The following LYPD6B variants were observed in gnomAD, a reference collection of about 807,000 sequenced individuals.
LYPD6B encodes ly6/PLAUR domain-containing protein 6B.
A neutral mutation model predicts 22.8 loss-of-function variants in LYPD6B; 17 were observed. That is an observed-to-expected ratio of 0.75 (90% CI 0.51 to 1.12). LYPD6B has a LOEUF of 1.12. Ranked by LOEUF, LYPD6B falls within the 50% of genes most tolerant of loss-of-function variation. LYPD6B has a pLI of 0.00. For missense variants in LYPD6B, 221 were observed against 258.3 expected, an observed-to-expected ratio of 0.86 and a Z score of 0.99; for synonymous variants, 106 against 91.6, an observed-to-expected ratio of 1.16 and a Z score of -0.90.
At chr2:149,110,947 T>C (rs539559513) in intron 1 of LYPD6B, among the ~76,000 whole-genome samples, 1 of 152,272 alleles carries the variant, frequency 6.6e-6, no homozygotes, top group African/African-American at 2.4e-5. Context: ...AAAGGTGATA[T>C]TGAAGCAGAG....
chr2:149,188,803 T>C (rs1692294352), intron 3 of LYPD6B: 1 of 333,790 alleles, frequency 3.0e-6, no homozygotes, highest in African/African-American at 2.2e-5. Flanking sequence ...CTTCCTGTCT[T>C]CCAGGCATTA....
At chr2:149,120,784 C>CTTTTTTT (rs567231544) in intron 1 of LYPD6B, among the ~76,000 whole-genome samples, 963 of 95,522 alleles carry the variant, frequency 0.01, 47 homozygotes, top group African/African-American at 0.021. Context: ...GCTACAAAGT[C>CTTTTTTT]TTTTTTTTTT....
In LYPD6B at chr2:149,205,149, T is replaced by A. The variant is rs1693425421; in HGVS notation, c.78-104T>A. On this transcript the variant is annotated intron_variant, in intron 3 of 6. Transcript: ENST00000409642. ...GTCCTGGCCCTACACAACAGGTAGA[T>A]GGTTGGATATATTTGGATAATGGAG... 4 of 1,187,964 alleles carry A rather than the reference T, an allele frequency of 3.4e-6. No individual in the cohort carries two copies. The South Asian group carries it at 6.1e-5, about 18-fold the overall frequency. 73.6% of individuals were successfully genotyped at this position (1,187,964 alleles called of 1,614,324 possible).
At chr2:149,047,612 A>G (rs1333366512) in intron 1 of LYPD6B, among the ~76,000 whole-genome samples, 8 of 151,970 alleles carry the variant, frequency 5.3e-5, no homozygotes, top group East Asian at 3.9e-4. Context: ...CACTCTTGAT[A>G]TTTATCATAC....
intron 1 of LYPD6B, among the ~76,000 whole-genome samples, chr2:149,085,469 T>G (rs1201503924): frequency 2.0e-5 from 3 of 152,212 alleles, no homozygotes; most frequent in African/African-American, 7.2e-5. Flanking sequence ...CTTAATAGAA[T>G]TGTTTATTTT....
At chr2:149,143,423 T>C (rs1688814559) in intron 2 of LYPD6B, among the ~76,000 whole-genome samples, 1 of 151,168 alleles carries the variant, frequency 6.6e-6, no homozygotes, top group Non-Finnish European at 1.5e-5. Flanking sequence ...ATGCTGAGGA[T>C]GTGAGAGAAA....
At chr2:149,131,147 A>G (rs1249145261) in intron 2 of LYPD6B, 194 bp downstream of exon 2, 1 of 495,176 alleles carries the variant, frequency 2.0e-6, no homozygotes, top group African/African-American at 2.0e-5. Context: ...AATCATATTG[A>G]CTTTTTATGA....
chr2:149,041,115 A>AAG (rs1558962783), intron 1 of LYPD6B, among the ~76,000 whole-genome samples: 1 of 148,418 alleles, frequency 6.7e-6, no homozygotes. Flanking sequence ...AAAAAAAAAA[A>AAG]AAAGAAAATG....
intron 1 of LYPD6B, among the ~76,000 whole-genome samples, chr2:149,046,364 ATCTG>A (rs1248963045): frequency 6.6e-6 from 1 of 152,154 alleles, no homozygotes; most frequent in Non-Finnish European, 1.5e-5. Flanking sequence ...ATCTGACAAT[ATCTG>A]TCTGTTAACT....
At chr2:149,049,969 A>G (rs1683477186) in intron 1 of LYPD6B, among the ~76,000 whole-genome samples, 1 of 152,184 alleles carries the variant, frequency 6.6e-6, no homozygotes, top group Admixed American at 6.5e-5. Context: ...GCTAGATACA[A>G]AGGGGAAATC....
intron 1 of LYPD6B, among the ~76,000 whole-genome samples, chr2:149,042,488 T>C (rs1683126671): frequency 6.6e-6 from 1 of 152,166 alleles, no homozygotes; most frequent in African/African-American, 2.4e-5. Context: ...GGGCAGCATA[T>C]TTTCCTGTTT....
intron 3 of LYPD6B, among the ~76,000 whole-genome samples, chr2:149,183,485 A>G (rs1198381583): frequency 2.0e-5 from 3 of 152,068 alleles, no homozygotes; most frequent in Non-Finnish European, 4.4e-5. Context: ...TGGCCAATCT[A>G]CAATGTGTAT....
chr2:149,038,941 TCGCGGGGC>T (rs546636630), intron 1 of LYPD6B, 140 bp downstream of exon 1: 129,922 of 148,128 alleles, frequency 0.88, 57,541 homozygotes, highest in East Asian at 1. Context: ...AGCCAGGAGC[TCGCGGGGC>T]CGCGGGGCCG....
At chr2:149,178,278 A>G (rs904173475) in intron 3 of LYPD6B, among the ~76,000 whole-genome samples, 1 of 152,196 alleles carries the variant, frequency 6.6e-6, no homozygotes, top group Non-Finnish European at 1.5e-5. Flanking sequence ...TCTTTCCTCT[A>G]TCGCCATCCA....
At chr2:149,044,058 A>G (rs1191736687) in intron 1 of LYPD6B, among the ~76,000 whole-genome samples, 2 of 152,084 alleles carry the variant, frequency 1.3e-5, no homozygotes, top group African/African-American at 4.8e-5. Context: ...GGAAGCACAT[A>G]GTGTAGGCCC....
intron 1 of LYPD6B, among the ~76,000 whole-genome samples, chr2:149,077,185 C>T (rs1251098437): frequency 6.6e-6 from 1 of 152,152 alleles, no homozygotes; most frequent in African/African-American, 2.4e-5. Flanking sequence ...TTTTAATTCC[C>T]AGGAAGTTGC....
chr2:149,105,587 A>T (rs2105509123), intron 1 of LYPD6B, among the ~76,000 whole-genome samples: 1 of 152,060 alleles, frequency 6.6e-6, no homozygotes, highest in Non-Finnish European at 1.5e-5. Context: ...ATGGCTGAAA[A>T]TTTTTTTAAT....
At chr2:149,114,709 A>G (rs779484055) in intron 1 of LYPD6B, among the ~76,000 whole-genome samples, 15 of 152,182 alleles carry the variant, frequency 9.9e-5, no homozygotes, top group Admixed American at 3.3e-4. Flanking sequence ...TTTAACGTCA[A>G]CCAGTCATTG....
intron 3 of LYPD6B, among the ~76,000 whole-genome samples, chr2:149,179,563 T>C (rs1691562607): frequency 6.6e-6 from 1 of 152,244 alleles, no homozygotes; most frequent in Non-Finnish European, 1.5e-5. Flanking sequence ...GTTAACAGTG[T>C]TGGTGAGTGC....
Sources: allele counts gnomAD v4.1 joint callset (sites outside exome capture counted in the v4.1 genomes callset), GRCh38; gene constraint gnomAD v4.1.1; transcripts MANE v1.5; gene names NCBI Gene and HGNC (gene_info 2026-07-23, HGNC 2026-07-21).